SPON1: variants seen among roughly 807,000 people sequenced by gnomAD.
SPON1 encodes spondin 1.
A neutral mutation model predicts 111.7 loss-of-function variants in SPON1; 52 were observed. That is an observed-to-expected ratio of 0.47 (90% CI 0.37 to 0.59). The LOEUF is 0.59. SPON1 is among the 20% of genes least tolerant of loss of function. The pLI is 0.00. For synonymous variants in SPON1, 410 were observed against 395.8 expected (o/e 1.04, Z -0.43); for missense variants, 957 against 1,068.5 (o/e 0.90, Z 1.46).
chr11:14,142,890 C>A (rs1256728228), intron 6 of SPON1, among the ~76,000 whole-genome samples: 3 of 152,176 alleles, frequency 2.0e-5, no homozygotes, highest in Admixed American at 6.5e-5. Context: ...TGGAAGGCAT[C>A]AGGCTGAGAC....
At chr11:14,172,782 G>A (rs1485716643) in intron 6 of SPON1, among the ~76,000 whole-genome samples, 1 of 151,856 alleles carries the variant, frequency 6.6e-6, no homozygotes, top group Non-Finnish European at 1.5e-5. Context: ...GAAATTCTGG[G>A]TTGAAAATTC....
At chr11:14,200,334 A>G (rs1329703112) in intron 6 of SPON1, among the ~76,000 whole-genome samples, 2 of 152,174 alleles carry the variant, frequency 1.3e-5, no homozygotes, top group East Asian at 1.9e-4. Context: ...CTAACATTTG[A>G]TATTTGTGGG....
At chr11:14,114,685 G>A (rs1028501475) in intron 5 of SPON1, among the ~76,000 whole-genome samples, 5 of 152,130 alleles carry the variant, frequency 3.3e-5, no homozygotes, top group Admixed American at 2.0e-4. Context: ...TCAGAAAGCC[G>A]TTTCCAATTC....
At chr11:14,057,884 A>G (rs552570672) in intron 3 of SPON1, among the ~76,000 whole-genome samples, 11 of 150,354 alleles carry the variant, frequency 7.3e-5, no homozygotes, top group Non-Finnish European at 1.6e-4. Context: ...GGGCATGGTG[A>G]TGCATGCCTG....
intron 3 of SPON1, among the ~76,000 whole-genome samples, chr11:14,057,663 T>C (rs1848754912): frequency 6.6e-6 from 1 of 151,970 alleles, no homozygotes; most frequent in South Asian, 2.1e-4. Context: ...TATACCGCTC[T>C]TGTAAGTTTT....
intron 2 of SPON1, among the ~76,000 whole-genome samples, chr11:14,027,674 CTCAGGCGGA>C (rs1442005729): frequency 6.6e-6 from 1 of 152,196 alleles, no homozygotes; most frequent in East Asian, 1.9e-4. Context: ...TCCCAAACTA[CTCAGGCGGA>C]GCAGGATAGA....
intron 1 of SPON1, among the ~76,000 whole-genome samples, chr11:13,982,327 C>T (rs1445950734): frequency 6.6e-6 from 1 of 152,110 alleles, no homozygotes; most frequent in African/African-American, 2.4e-5. Context: ...CCATGACTTC[C>T]ACTGGCAGAA....
intron 6 of SPON1, among the ~76,000 whole-genome samples, chr11:14,186,283 T>G (rs1848284681): frequency 6.6e-6 from 1 of 152,182 alleles, no homozygotes; most frequent in East Asian, 1.9e-4. Flanking sequence ...CCAGAAGAGT[T>G]TGAACAAGGG....
chr11:14,015,847 A>G (rs1397932378), intron 2 of SPON1, among the ~76,000 whole-genome samples: 1 of 152,128 alleles, frequency 6.6e-6, no homozygotes, highest in African/African-American at 2.4e-5. Context: ...CAGGGACAAT[A>G]TCCAGGCTCT....
At chr11:13,977,416 TC>T (rs1403516529) in intron 1 of SPON1, among the ~76,000 whole-genome samples, 7 of 152,216 alleles carry the variant, frequency 4.6e-5, no homozygotes, top group African/African-American at 1.7e-4. Flanking sequence ...AATTTTTATT[TC>T]CCTATTGACT....
intron 3 of SPON1, among the ~76,000 whole-genome samples, chr11:14,068,429 C>A (rs568216935): frequency 1.3e-5 from 2 of 152,280 alleles, no homozygotes; most frequent in East Asian, 3.9e-4. Flanking sequence ...TTGTTAAGAG[C>A]CTAACCGACC....
chr11:14,054,218 G>A (rs1848728312), intron 3 of SPON1, among the ~76,000 whole-genome samples: 1 of 152,156 alleles, frequency 6.6e-6, no homozygotes, highest in South Asian at 2.1e-4. Context: ...GAAAACAGAG[G>A]AGAAAAAGCT....
chr11:13,968,737 G>T (rs182292575), intron 1 of SPON1, among the ~76,000 whole-genome samples: 2 of 152,166 alleles, frequency 1.3e-5, no homozygotes, highest in Non-Finnish European at 2.9e-5. Flanking sequence ...GGACTGGGGG[G>T]AGAGGAAGTA....
At chr11:14,185,792 C>T (rs1299089470) in intron 6 of SPON1, among the ~76,000 whole-genome samples, 6 of 152,228 alleles carry the variant, frequency 3.9e-5, no homozygotes, top group South Asian at 4.1e-4. Flanking sequence ...AGATGAGCAG[C>T]GCCCCTTCTC....
At position 14,128,653 on chromosome 11, in the gene SPON1, A is replaced by C. The variant is rs541200186; in HGVS notation, c.677-6767A>C. ...CCCTCTTCTCATACCTCCACTAGAC[A>C]GTGTCCCAGTGGGGACTCTGTGTGG... On this transcript the variant is annotated intron_variant, in intron 5 of 15. Coordinates refer to ENST00000576479, the MANE Select transcript of SPON1 (RefSeq NM_006108.4). 5.6e-4 allele frequency among the ~76,000 whole-genome samples: 85 copies of C among 152,332 alleles called. 2 individuals carry two copies. Among genetic ancestry groups the C allele is most frequent in the Non-Finnish European group, 3.8e-4 (26 of 68,024 alleles).
At chr11:14,173,764 C>G (rs914229658) in intron 6 of SPON1, among the ~76,000 whole-genome samples, 17 of 152,134 alleles carry the variant, frequency 1.1e-4, no homozygotes, top group Admixed American at 3.9e-4. Flanking sequence ...CACTCCAGAC[C>G]CTGTTTACCT....
At chr11:14,115,248 CAGTT>C (rs1395260739) in intron 5 of SPON1, among the ~76,000 whole-genome samples, 1 of 152,208 alleles carries the variant, frequency 6.6e-6, no homozygotes, top group African/African-American at 2.4e-5. Flanking sequence ...TGCCGTCACT[CAGTT>C]AGTTTTTCTT....
intron 6 of SPON1, among the ~76,000 whole-genome samples, chr11:14,170,605 C>A (rs1257571444): frequency 1.3e-5 from 2 of 151,824 alleles, no homozygotes; most frequent in African/African-American, 4.8e-5. Context: ...CAGTTTTTGT[C>A]CATTCAGTAT....
chr11:14,045,321 G>A (rs1200001310), intron 3 of SPON1, among the ~76,000 whole-genome samples: 1 of 152,278 alleles, frequency 6.6e-6, no homozygotes, highest in East Asian at 1.9e-4. Context: ...TGTAATCCCA[G>A]CACTTTGGGA....
Sources: gnomAD v4.1 joint callset for allele counts (sites outside exome capture counted in the v4.1 genomes callset) on GRCh38, gnomAD v4.1.1 for gene constraint, MANE v1.5 for transcripts, NCBI Gene and HGNC (gene_info 2026-07-23, HGNC 2026-07-21) for gene names.